Variants in INTS2 observed in about 807,000 individuals in gnomAD.
INTS2 encodes the protein KIAA1287.
In INTS2, 57 loss-of-function variants were observed where a neutral mutation model predicts 139.6. That is an observed-to-expected ratio of 0.41 (90% CI 0.33 to 0.51). INTS2 has a LOEUF of 0.51. Ranked by LOEUF, INTS2 falls within the 20% of genes least tolerant of loss-of-function variation. The pLI is 0.28. For missense variants in INTS2, 1,196 were observed against 1,436.7 expected, an observed-to-expected ratio of 0.83 and a Z score of 2.71; for synonymous variants, 473 against 493.4, an observed-to-expected ratio of 0.96 and a Z score of 0.55.
chr17:61,887,811 G>C (rs2079244690), intron 15 of INTS2, among the ~76,000 whole-genome samples: 1 of 152,092 alleles, frequency 6.6e-6, no homozygotes, highest in Non-Finnish European at 1.5e-5. Context: ...CCAGCACTTT[G>C]AGAGGCTGAG....
Position 61,876,306 on chromosome 17 carries a change from A to T in INTS2, c.2457-1268T>A, listed in dbSNP as rs949376207. 2.0e-5 allele frequency among the ~76,000 whole-genome samples: 3 copies of T among 152,224 alleles called. No individual in the cohort carries two copies. Among genetic ancestry groups the T allele is most frequent in the African/African-American group, 7.2e-5 (3 of 41,460 alleles). The stretch of plus-strand genomic sequence containing the variant: ...CACACTCTCTTTCTCAGGAAGCGAG[A>T]TGAGTGTGTGTTCCATTCACTAAAA... On this transcript the variant is annotated intron_variant, in intron 18 of 24. Transcript: ENST00000251334. The surrounding 1 kb of genome is among the most constrained non-coding windows in gnomAD (Gnocchi z 4.1).
chr17:61,868,894 AAGTT>A lies in INTS2; in HGVS notation c.3244+136_3244+139del. On this transcript the variant is annotated intron_variant, in intron 23 of 24. Coordinates refer to ENST00000251334, the MANE Select transcript of INTS2 (RefSeq NM_001351695.2). This position sits in a 1 kb window ranked among gnomAD's most constrained non-coding sequence, Gnocchi z 4.7. ...AAAAGAAGAATTCAAAAGACGGCAT[AAGTT>A]AAACTAGTATTTAACACATATTGTA... 1 of 560,086 alleles carries A rather than the reference AAGTT, an allele frequency of 1.8e-6. No individual in the cohort carries two copies. Among genetic ancestry groups the A allele is most frequent in the Non-Finnish European group, 3.2e-6 (1 of 316,120 alleles). The allele number at this position is 560,086 out of a possible 1,614,324, so 34.7% of individuals were successfully genotyped here. A position where few individuals can be genotyped will look rare whatever the true frequency, so the allele number is the denominator to read the frequency against.
rs2143093416 is a variant in INTS2 at position 61,909,335 on chromosome 17, T to C, written c.955-1701A>G. ...CATGTTGGCCAGGATGGTCTCCCTCTCTTGACCTTGTGATCCGCCCGCCTC... is the reference window on the plus strand; with the variant it reads ...CATGTTGGCCAGGATGGTCTCCCTCCCTTGACCTTGTGATCCGCCCGCCTC... On this transcript the variant is annotated intron_variant, in intron 7 of 24. Coordinates refer to ENST00000251334, the MANE Select transcript of INTS2 (RefSeq NM_001351695.2). This position sits in a 1 kb window ranked among gnomAD's most constrained non-coding sequence, Gnocchi z 4.9. Among the ~76,000 whole-genome samples, 1 of 152,256 alleles carries C rather than the reference T, an allele frequency of 6.6e-6. No homozygotes were observed. The highest frequency in any genetic ancestry group is 1.9e-4 in the East Asian group (1 of 5,172).
At chr17:61,917,280 G>A (rs544710322) in intron 5 of INTS2, among the ~76,000 whole-genome samples, 10 of 152,280 alleles carry the variant, frequency 6.6e-5, no homozygotes, top group Admixed American at 6.5e-4. Flanking sequence ...CAGTCTCACT[G>A]CTGGATATAT....
At chr17:61,887,482 C>CAA (rs1240524678) in intron 15 of INTS2, among the ~76,000 whole-genome samples, 31 of 50,442 alleles carry the variant, frequency 6.1e-4, no homozygotes, top group Admixed American at 9.0e-4. Context: ...GACTCTGTCT[C>CAA]AAAAAAAAAA....
intron 16 of INTS2, among the ~76,000 whole-genome samples, chr17:61,881,845 A>G (rs2079181056): frequency 6.6e-6 from 1 of 152,236 alleles, no homozygotes; most frequent in South Asian, 2.1e-4. Flanking sequence ...ACTACTACTT[A>G]TAAAGAAAGC....
At chr17:61,919,872 G>A (rs2079621216) in intron 4 of INTS2, among the ~76,000 whole-genome samples, 1 of 152,044 alleles carries the variant, frequency 6.6e-6, no homozygotes, top group African/African-American at 2.4e-5. Context: ...AGAATTACAG[G>A]CATGAGCCAC....
intron 1 of INTS2, 24 bp downstream of exon 1, chr17:61,927,630 G>C: frequency 7.5e-7 from 1 of 1,333,752 alleles, no homozygotes; most frequent in Non-Finnish European, 9.6e-7. Flanking sequence ...ACGCGCTGAG[G>C]CCAGAGAAGC....
rs140039201 is a variant in INTS2, at chr17:61,870,503, C to T, written c.2779-515G>A. On this transcript the variant is annotated intron_variant, in intron 20 of 24. Transcript: ENST00000251334. This position sits in a 1 kb window ranked among gnomAD's most constrained non-coding sequence, Gnocchi z 4.4. The stretch of plus-strand genomic sequence containing the variant: ...TACCTTACCATCCATTCCACCTGCA[C>T]AACTCATTGCTCAGTCTACAGGCTT... Among the ~76,000 whole-genome samples the T allele has an allele frequency of 1.3e-5, 2 of 152,244 alleles. No individual in the cohort carries two copies. The highest frequency in any genetic ancestry group is 3.9e-4 in the East Asian group (2 of 5,188).
chr17:61,899,972 C>T (rs1309506284), intron 9 of INTS2, among the ~76,000 whole-genome samples: 1 of 151,132 alleles, frequency 6.6e-6, no homozygotes, highest in East Asian at 1.9e-4. Flanking sequence ...TTAGAAAGTA[C>T]TTCAAGTAAA....
chr17:61,891,660 G>A lies in INTS2; in HGVS notation c.1728C>T (p.Thr576=), dbSNP rs1273593549. 2 of 1,612,292 alleles carry A rather than the reference G, an allele frequency of 1.2e-6. No homozygotes were observed. Among genetic ancestry groups the A allele is most frequent in the African/African-American group, 2.7e-5 (2 of 74,858 alleles). The change falls in exon 14 of 25, where the codon ACC becomes ACT. Residue 576 remains threonine (T), a synonymous_variant. Transcript: ENST00000251334. ...KDWIYRQLCE[T]STPLHPQLLP... ...GTAATTGAGGATGAAGTGGAGTAGA[G>A]GTTTCACACAGCTGTCTATAAATCC...
At chr17:61,906,980 A>G (rs903899091) in intron 8 of INTS2, among the ~76,000 whole-genome samples, 1 of 151,582 alleles carries the variant, frequency 6.6e-6, no homozygotes, top group Non-Finnish European at 1.5e-5. Context: ...AAAAAAAAAA[A>G]AAAACATTGT....
chr17:61,917,809 TAAAAC>T, intron 5 of INTS2, among the ~76,000 whole-genome samples: 1 of 152,208 alleles, frequency 6.6e-6, no homozygotes, highest in South Asian at 2.1e-4. Context: ...AAAGAAAAAT[TAAAAC>T]AAAGGTGACA....
chr17:61,919,252 C>T (rs375374680), intron 5 of INTS2, 148 bp downstream of exon 5: 3 of 524,178 alleles, frequency 5.7e-6, no homozygotes, highest in East Asian at 3.4e-5. Flanking sequence ...AATTTGTGAA[C>T]TCAATATTTC....
intron 3 of INTS2, among the ~76,000 whole-genome samples, chr17:61,923,847 T>C (rs529189823): frequency 6.6e-6 from 1 of 152,240 alleles, no homozygotes; most frequent in South Asian, 2.1e-4. Flanking sequence ...GAAACGGGGT[T>C]TCTCCATGTT....
chr17:61,879,071 CTTTTTT>C lies in INTS2; in HGVS notation c.2255-989_2255-984del, dbSNP rs943506280. Among the ~76,000 whole-genome samples the C allele has an allele frequency of 8.7e-5, 3 of 34,428 alleles. No individual in the cohort carries two copies. The East Asian group carries it at 5.3e-3, about 61-fold the overall frequency. 22.6% of individuals were successfully genotyped at this position (34,428 alleles called of 152,430 possible). A position where few individuals can be genotyped will look rare whatever the true frequency, so the allele number is the denominator to read the frequency against. On this transcript the variant is annotated intron_variant, in intron 17 of 24. Transcript: ENST00000251334. ...GTCTTGCTATGTTGCCCAGGCTGGTCTTTTTTTTTTTTTTTTTTTTTTTTTTTTTCC... is the reference window on the plus strand; with the variant it reads ...GTCTTGCTATGTTGCCCAGGCTGGTCTTTTTTTTTTTTTTTTTTTTTTTCC...
intron 3 of INTS2, among the ~76,000 whole-genome samples, chr17:61,922,659 T>C (rs1006547994): frequency 2.6e-5 from 4 of 151,524 alleles, no homozygotes; most frequent in Non-Finnish European, 4.4e-5. Context: ...ATATTTCCTA[T>C]ATAATGAAGA....
Position 61,870,179 on chromosome 17 carries a change from A to G in INTS2, c.2779-191T>C, listed in dbSNP as rs2145898900. ...GGTTCTCACCTTTTTAGGATTATGAACCCCTTAAGAATCTAAAGAAAACTA... is the reference window on the plus strand; with the variant it reads ...GGTTCTCACCTTTTTAGGATTATGAGCCCCTTAAGAATCTAAAGAAAACTA... On this transcript the variant is annotated intron_variant, in intron 20 of 24. Transcript: ENST00000251334. This position sits in a 1 kb window ranked among gnomAD's most constrained non-coding sequence, Gnocchi z 4.4. 6.6e-6 allele frequency among the ~76,000 whole-genome samples: 1 copy of G among 152,300 alleles called. No homozygotes were observed. The highest frequency in any genetic ancestry group is 1.5e-5 in the Non-Finnish European group (1 of 68,012).
At position 61,872,609 on chromosome 17, in the gene INTS2, TTAA is replaced by T; in HGVS notation, c.2583-152_2583-150del. On this transcript the variant is annotated intron_variant, in intron 19 of 24. Coordinates refer to ENST00000251334, the MANE Select transcript of INTS2 (RefSeq NM_001351695.2). The surrounding 1 kb of genome is among the most constrained non-coding windows in gnomAD (Gnocchi z 4.8). ...CACTAAAATATTCATTCTCAAAAGT[TTAA>T]TATATGTTTCTTATTCTCTGTATTT... The T allele has an allele frequency of 2.1e-6, 1 of 485,256 alleles. No homozygotes were observed. The highest frequency in any genetic ancestry group is 3.6e-6 in the Non-Finnish European group (1 of 277,428). The allele number at this position is 485,256 out of a possible 1,614,324, so 30.1% of individuals were successfully genotyped here.
Sources: allele counts gnomAD v4.1 joint callset (sites outside exome capture counted in the v4.1 genomes callset), GRCh38; gene constraint gnomAD v4.1.1; non-coding constraint Gnocchi (gnomAD v3.1); transcripts MANE v1.5; gene names NCBI Gene and HGNC (gene_info 2026-07-23, HGNC 2026-07-21).